The following RTF2 variants were observed in gnomAD, a reference collection of about 807,000 sequenced individuals.
The protein encoded by RTF2 is UPF0549 protein C20orf43.
RTF2 carries 18 observed loss-of-function variants against 38.0 expected under a neutral mutation model. That is an observed-to-expected ratio of 0.47 (90% CI 0.33 to 0.70). RTF2 has a LOEUF of 0.70. Ranked by LOEUF, RTF2 falls within the 30% of genes least tolerant of loss-of-function variation. RTF2 has a pLI of 0.02. For synonymous variants in RTF2, 126 were observed against 137.1 expected (o/e 0.92, Z 0.57); for missense variants, 311 against 379.6 (o/e 0.82, Z 1.50).
intron 5 of RTF2, among the ~76,000 whole-genome samples, chr20:56,498,165 G>A (rs1983682383): frequency 6.6e-6 from 1 of 152,174 alleles, no homozygotes; most frequent in African/African-American, 2.4e-5. Flanking sequence ...GTCCTGTTCT[G>A]CCTTATTCAA....
At chr20:56,507,591 C>G (rs752357834) in intron 5 of RTF2, among the ~76,000 whole-genome samples, 12 of 152,162 alleles carry the variant, frequency 7.9e-5, no homozygotes, top group Non-Finnish European at 2.9e-5. Flanking sequence ...AGAATAAGGT[C>G]CATGTCCTCT....
intron 2 of RTF2, among the ~76,000 whole-genome samples, chr20:56,473,960 A>G (rs1015503239): frequency 5.3e-5 from 8 of 152,198 alleles, no homozygotes; most frequent in Non-Finnish European, 8.8e-5. Flanking sequence ...AATGGCAGGG[A>G]ATGGAGAATA....
At chr20:56,491,755 G>A (rs1374093729) in intron 5 of RTF2, 48 of 1,551,930 alleles carry the variant, frequency 3.1e-5, no homozygotes, top group African/African-American at 6.8e-5. Context: ...CTCCTGGTCC[G>A]TATACGCAGA....
chr20:56,470,243 T>C (rs773324087), intron 1 of RTF2, among the ~76,000 whole-genome samples: 10 of 152,238 alleles, frequency 6.6e-5, no homozygotes, highest in Non-Finnish European at 1.5e-5. Flanking sequence ...AAAAAGTGTT[T>C]AGCTCAGTTT....
At chr20:56,513,461 C>T in intron 6 of RTF2, 33 bp downstream of exon 6, 1 of 1,556,358 alleles carries the variant, frequency 6.4e-7, no homozygotes. Context: ...GCCCAGCCCC[C>T]ATCTCTGCTC....
At chr20:56,475,218 A>T (rs1248233678) in intron 3 of RTF2, among the ~76,000 whole-genome samples, 1 of 152,182 alleles carries the variant, frequency 6.6e-6, no homozygotes, top group East Asian at 1.9e-4. Context: ...TAATAAGGGA[A>T]ATTTCTTGAG....
intron 5 of RTF2, chr20:56,495,359 G>T: frequency 1.6e-6 from 2 of 1,249,894 alleles, no homozygotes; most frequent in Non-Finnish European, 1.1e-6. Flanking sequence ...TTTAGTACAA[G>T]TTCTTCTGTG....
rs565004509 is a variant in RTF2 at position 56,495,115 on chromosome 20, C to T, written c.477+10926C>T. The stretch of plus-strand genomic sequence containing the variant: ...CCAGATTACTTTAAACATGATCCTC[C>T]GTCTTGCCCACTAGGATTGAGGCAG... On this transcript the variant is annotated intron_variant, in intron 5 of 8. Transcript: ENST00000357348. The T allele has an allele frequency of 1.8e-4, 155 of 882,316 alleles. 3 individuals carry two copies. In the South Asian group the frequency reaches 1.9e-3, roughly 11 times the overall value. 54.7% of individuals were successfully genotyped at this position (882,316 alleles called of 1,614,324 possible).
intron 5 of RTF2, chr20:56,495,310 CAA>C: frequency 2.6e-6 from 4 of 1,540,046 alleles, no homozygotes; most frequent in Non-Finnish European, 3.5e-6. Flanking sequence ...AAGAGGAAAA[CAA>C]AACCAGCATT....
chr20:56,475,103 A>G (rs569894094), intron 3 of RTF2, among the ~76,000 whole-genome samples: 2 of 152,362 alleles, frequency 1.3e-5, no homozygotes, highest in South Asian at 4.1e-4. Context: ...TGTGAATTAG[A>G]TAATTTTATG....
At chr20:56,503,114 GT>G (rs1486156125) in intron 5 of RTF2, among the ~76,000 whole-genome samples, 10 of 152,228 alleles carry the variant, frequency 6.6e-5, no homozygotes, top group Non-Finnish European at 5.9e-5. Context: ...GTCTTCACTT[GT>G]CCTAAAGTCT....
At chr20:56,477,959 A>G (rs1363950047) in intron 4 of RTF2, among the ~76,000 whole-genome samples, 1 of 152,260 alleles carries the variant, frequency 6.6e-6, no homozygotes, top group Non-Finnish European at 1.5e-5. Context: ...AGATGTGTGT[A>G]GCAAATGTAA....
chr20:56,474,857 A>T lies in RTF2; in HGVS notation c.258+86A>T, dbSNP rs1982158243. The T allele has an allele frequency of 1.4e-5, 11 of 801,728 alleles. No individual in the cohort carries two copies. In the South Asian group the frequency reaches 2.0e-4, roughly 14 times the overall value. 49.7% of individuals were successfully genotyped at this position (801,728 alleles called of 1,614,324 possible). A position where few individuals can be genotyped will look rare whatever the true frequency, so the allele number is the denominator to read the frequency against. Reference sequence around the variant, plus strand: ...AGAATTTATACGCCTTAAAGACTGAACTCAGAAATTTGGGATTCCATTCCC... The same window carrying T: ...AGAATTTATACGCCTTAAAGACTGATCTCAGAAATTTGGGATTCCATTCCC... On this transcript the variant is annotated intron_variant, in intron 3 of 8. Transcript: ENST00000357348.
chr20:56,502,571 T>G (rs1267220068), intron 5 of RTF2, among the ~76,000 whole-genome samples: 2 of 152,188 alleles, frequency 1.3e-5, no homozygotes, highest in African/African-American at 4.8e-5. Flanking sequence ...ATATACTCTT[T>G]CGTTGCATTT....
At chr20:56,477,727 A>G (rs1982329624) in intron 4 of RTF2, among the ~76,000 whole-genome samples, 1 of 152,170 alleles carries the variant, frequency 6.6e-6, no homozygotes, top group Non-Finnish European at 1.5e-5. Flanking sequence ...TATGTTGCCC[A>G]GGCTGGATTC....
At chr20:56,473,439 T>C in intron 2 of RTF2, 44 bp downstream of exon 2, 1 of 1,078,968 alleles carries the variant, frequency 9.3e-7, no homozygotes, top group African/African-American at 2.9e-5. Flanking sequence ...TTAAGTGATT[T>C]TGAGAATTTT....
intron 5 of RTF2, among the ~76,000 whole-genome samples, chr20:56,511,631 C>T (rs947388054): frequency 1.3e-5 from 2 of 152,148 alleles, no homozygotes; most frequent in Non-Finnish European, 2.9e-5. Flanking sequence ...CTGGGTAACT[C>T]TCTGTGGGGG....
rs1243225330 is a variant in RTF2 at position 56,516,814 on chromosome 20, TC to T, written c.592-120del. On this transcript the variant is annotated intron_variant, in intron 6 of 8. Transcript: ENST00000357348. The stretch of plus-strand genomic sequence containing the variant: ...TCAAAAGCCTTCTTCAGAGTGACTG[TC>T]TGTCTCATGTGACTAGCATCGGTCA... 6 of 827,534 alleles carry T rather than the reference TC, an allele frequency of 7.3e-6. No homozygotes were observed. The African/African-American group carries it at 1.0e-4, about 14-fold the overall frequency. The allele number at this position is 827,534 out of a possible 1,614,324, so 51.3% of individuals were successfully genotyped here. A position where few individuals can be genotyped will look rare whatever the true frequency, so the allele number is the denominator to read the frequency against.
intron 5 of RTF2, among the ~76,000 whole-genome samples, chr20:56,490,857 T>A (rs1310448513): frequency 1.3e-5 from 2 of 152,158 alleles, no homozygotes; most frequent in Non-Finnish European, 2.9e-5. Flanking sequence ...TTTTTAAAAA[T>A]TAAATAAAAA....
Sources: gnomAD v4.1 joint callset for allele counts (sites outside exome capture counted in the v4.1 genomes callset) on GRCh38, gnomAD v4.1.1 for gene constraint, MANE v1.5 for transcripts, NCBI Gene and HGNC (gene_info 2026-07-23, HGNC 2026-07-21) for gene names.